The following GABRA3 variants were observed in gnomAD, a reference collection of about 807,000 sequenced individuals.
The protein encoded by GABRA3 is gamma-aminobutyric acid receptor subunit alpha-3.
A neutral mutation model predicts 30.1 loss-of-function variants in GABRA3; 10 were observed. The ratio of observed to expected loss-of-function variants is 0.33; its 90% confidence interval spans 0.20 to 0.56. The LOEUF (loss-of-function observed/expected upper bound fraction) is 0.56. Ranked by LOEUF, GABRA3 falls within the 20% of genes least tolerant of loss-of-function variation. The pLI is 0.89. For missense variants in GABRA3, 233 were observed against 392.0 expected (o/e 0.59, Z 3.42); for synonymous variants, 151 against 146.8 (o/e 1.03, Z -0.21).
At chrX:152,187,976 C>T (rs1383741980) in intron 9 of GABRA3, among the ~76,000 whole-genome samples, 1 of 111,667 alleles carries the variant, frequency 9.0e-6, no homozygotes, top group Non-Finnish European at 1.9e-5. Context: ...TAAGTATAAA[C>T]ACAATAGACA....
intron 3 of GABRA3, among the ~76,000 whole-genome samples, chrX:152,317,407 GTCA>G (rs1405088722): frequency 9.0e-6 from 1 of 111,323 alleles, no homozygotes; most frequent in Non-Finnish European, 1.9e-5. Context: ...CACTAGACAG[GTCA>G]TCAAGACCAA....
intron 9 of GABRA3, among the ~76,000 whole-genome samples, chrX:152,182,633 C>CTATATATACAATATATGCATATATAG (rs1569348470): frequency 3.0e-4 from 1 of 3,327 alleles, no homozygotes; most frequent in African/African-American, 6.0e-4. Context: ...TATATATACA[C>CTATATATACAATATATGCATATATAG]TATATATACA....
At chrX:152,285,402 T>C (rs981117955) in intron 3 of GABRA3, among the ~76,000 whole-genome samples, 4 of 111,576 alleles carry the variant, frequency 3.6e-5, no homozygotes, top group African/African-American at 1.3e-4. Flanking sequence ...TGGAGACAAC[T>C]GATATCATTT....
At chrX:152,195,590 T>A (rs1246499594) in intron 8 of GABRA3, among the ~76,000 whole-genome samples, 1 of 111,839 alleles carries the variant, frequency 8.9e-6, no homozygotes, top group Non-Finnish European at 1.9e-5. Flanking sequence ...TAGAGCTGTA[T>A]GACGGATTCC....
At chrX:152,415,573 T>C (rs1297448508) in intron 1 of GABRA3, among the ~76,000 whole-genome samples, 1 of 110,848 alleles carries the variant, frequency 9.0e-6, no homozygotes, top group Non-Finnish European at 1.9e-5. Flanking sequence ...TGGGATTATA[T>C]TGCATAGAAC....
chrX:152,387,666 A>G (rs1386234886), intron 1 of GABRA3, among the ~76,000 whole-genome samples: 1 of 112,129 alleles, frequency 8.9e-6, no homozygotes, highest in Non-Finnish European at 1.9e-5. Flanking sequence ...CAGATTGTTG[A>G]TTACATTGAT....
intron 5 of GABRA3, among the ~76,000 whole-genome samples, chrX:152,249,765 TCA>T (rs2124409294): frequency 9.0e-6 from 1 of 110,967 alleles, no homozygotes; most frequent in Admixed American, 9.6e-5. Context: ...CCTTCTCCTC[TCA>T]CTCTTCAAGC....
intron 1 of GABRA3, among the ~76,000 whole-genome samples, chrX:152,449,526 A>G (rs1028022321): frequency 6.3e-5 from 7 of 111,719 alleles, no homozygotes; most frequent in African/African-American, 2.0e-4. Context: ...TAAAAAGTGA[A>G]GTACGATTTT....
chrX:152,239,309 TGAGA>T (rs998752386), intron 5 of GABRA3, among the ~76,000 whole-genome samples: 15 of 107,794 alleles, frequency 1.4e-4, no homozygotes, highest in African/African-American at 4.8e-4. Flanking sequence ...AGGCTTTGAG[TGAGA>T]TTCTTAATAC....
At chrX:152,334,721 A>C (rs1940208722) in intron 3 of GABRA3, among the ~76,000 whole-genome samples, 1 of 109,952 alleles carries the variant, frequency 9.1e-6, no homozygotes, top group African/African-American at 3.3e-5. Context: ...CAACGAAATA[A>C]AGTTTCTGAA....
At chrX:152,241,543 C>A (rs1413558701) in intron 5 of GABRA3, among the ~76,000 whole-genome samples, 253 of 108,522 alleles carry the variant, frequency 2.3e-3, no homozygotes, top group Middle Eastern at 5.0e-3. Context: ...CCAGTTCGAG[C>A]TTCCCGGCTG....
chrX:152,428,277 C>T (rs894619594), intron 1 of GABRA3, among the ~76,000 whole-genome samples: 73 of 112,058 alleles, frequency 6.5e-4, no homozygotes, highest in Non-Finnish European at 4.9e-4. Flanking sequence ...AACATGCACC[C>T]TGCAGACAGT....
At chrX:152,445,228 T>G (rs1454078789) in intron 1 of GABRA3, among the ~76,000 whole-genome samples, 1 of 110,262 alleles carries the variant, frequency 9.1e-6, no homozygotes, top group Non-Finnish European at 1.9e-5. Context: ...AATCATGCTT[T>G]TAAGTATAAA....
At chrX:152,394,215 T>C (rs769949643) in intron 1 of GABRA3, among the ~76,000 whole-genome samples, 1 of 112,333 alleles carries the variant, frequency 8.9e-6, no homozygotes, top group South Asian at 3.7e-4. Context: ...TGAACTGATG[T>C]GTCCAAGATC....
chrX:152,172,951 TACACAC>T (rs58184376), intron 9 of GABRA3, among the ~76,000 whole-genome samples: 1,950 of 102,458 alleles, frequency 0.019, 23 homozygotes, highest in Non-Finnish European at 0.028. Context: ...CGAGTATGTG[TACACAC>T]ACACACACAC....
At chrX:152,337,766 C>T (rs1394128621) in intron 3 of GABRA3, among the ~76,000 whole-genome samples, 3 of 111,760 alleles carry the variant, frequency 2.7e-5, no homozygotes, top group Non-Finnish European at 3.8e-5. Flanking sequence ...CTGCAGGGAG[C>T]CATGATCATG....
intron 6 of GABRA3, among the ~76,000 whole-genome samples, chrX:152,214,121 CTGTATCCATG>C (rs756179114): frequency 5.4e-5 from 6 of 111,051 alleles, no homozygotes; most frequent in Non-Finnish European, 9.5e-5. Context: ...ATTCCACTCT[CTGTATCCATG>C]TGTATCCATT....
At chrX:152,434,960 C>T (rs1452563543) in intron 1 of GABRA3, among the ~76,000 whole-genome samples, 2 of 111,777 alleles carry the variant, frequency 1.8e-5, no homozygotes, top group Non-Finnish European at 3.8e-5. Context: ...TGAATATTTC[C>T]TGCAATAAAA....
intron 5 of GABRA3, among the ~76,000 whole-genome samples, chrX:152,231,340 CACGTGTGTATAT>C (rs1287367165): frequency 3.7e-4 from 40 of 108,408 alleles, no homozygotes; most frequent in African/African-American, 1.3e-3. Flanking sequence ...TGTGTGTATA[CACGTGTGTATAT>C]ACGTGTATAT....
Sources: allele counts gnomAD v4.1 joint callset (sites outside exome capture counted in the v4.1 genomes callset), GRCh38; gene constraint gnomAD v4.1.1; transcripts MANE v1.5; gene names NCBI Gene and HGNC (gene_info 2026-07-23, HGNC 2026-07-21).